The following GPC6 variants were observed in gnomAD, a reference collection of about 807,000 sequenced individuals.
GPC6 encodes glypican-6.
Under a neutral mutation model 55.2 loss-of-function variants are expected in GPC6, and 14 were observed. That is an observed-to-expected ratio of 0.25 (90% CI 0.17 to 0.40). The LOEUF is 0.40. Ranked by LOEUF, GPC6 falls within the 10% of genes least tolerant of loss-of-function variation. The pLI, the probability that GPC6 is intolerant of heterozygous loss-of-function variation, is 1.00. For synonymous variants in GPC6, 278 were observed against 259.6 expected (o/e 1.07, Z -0.68); for missense variants, 641 against 708.5 (o/e 0.90, Z 1.08).
At chr13:94,333,518 A>G (rs1210151830) in intron 6 of GPC6, among the ~76,000 whole-genome samples, 1 of 152,324 alleles carries the variant, frequency 6.6e-6, no homozygotes, top group East Asian at 1.9e-4. Context: ...ACATCAATGC[A>G]TTGTCCTTTA....
At chr13:93,300,192 A>T (rs1006379839) in intron 1 of GPC6, among the ~76,000 whole-genome samples, 3 of 152,222 alleles carry the variant, frequency 2.0e-5, no homozygotes, top group African/African-American at 7.2e-5. Flanking sequence ...AATATGGTGA[A>T]TATAAAGCTG....
intron 6 of GPC6, among the ~76,000 whole-genome samples, chr13:94,349,745 C>T (rs564396107): frequency 1.3e-5 from 2 of 152,266 alleles, no homozygotes; most frequent in African/African-American, 4.8e-5. Flanking sequence ...GCCACCTCAT[C>T]CAAGAAAGCT....
intron 3 of GPC6, among the ~76,000 whole-genome samples, chr13:94,008,900 T>C (rs1050238063): frequency 1.9e-4 from 29 of 152,192 alleles, no homozygotes; most frequent in African/African-American, 6.3e-4. Context: ...TTTATGCTAA[T>C]ATAATACAAA....
intron 3 of GPC6, among the ~76,000 whole-genome samples, chr13:93,931,136 T>G (rs1427347112): frequency 1.3e-5 from 2 of 152,150 alleles, no homozygotes; most frequent in East Asian, 3.9e-4. Context: ...CACTGGGGAT[T>G]ACAATTCAGT....
At chr13:94,012,273 T>C (rs1882277690) in intron 3 of GPC6, among the ~76,000 whole-genome samples, 1 of 152,166 alleles carries the variant, frequency 6.6e-6, no homozygotes, top group Admixed American at 6.5e-5. Context: ...TTCTCCTTCT[T>C]TGAGGCTTTT....
At chr13:94,021,519 C>T (rs1882694455) in intron 3 of GPC6, among the ~76,000 whole-genome samples, 1 of 151,972 alleles carries the variant, frequency 6.6e-6, no homozygotes, top group South Asian at 2.1e-4. Context: ...TTTTGACATA[C>T]ATGGCTAGCC....
intron 4 of GPC6, among the ~76,000 whole-genome samples, chr13:94,236,816 G>A (rs1181509037): frequency 6.6e-6 from 1 of 151,868 alleles, no homozygotes; most frequent in African/African-American, 2.4e-5. Context: ...GGCAGAGAAG[G>A]CAAGAATGGA....
At chr13:93,821,437 G>T (rs1594486952) in intron 2 of GPC6, among the ~76,000 whole-genome samples, 1 of 152,114 alleles carries the variant, frequency 6.6e-6, no homozygotes, top group Non-Finnish European at 1.5e-5. Context: ...TGCTGGGGAC[G>T]TTCAGTACTA....
At chr13:93,796,026 G>GAAAA (rs774532431) in intron 2 of GPC6, among the ~76,000 whole-genome samples, 1 of 133,316 alleles carries the variant, frequency 7.5e-6, no homozygotes, top group African/African-American at 2.8e-5. Flanking sequence ...TCCGAGAAAA[G>GAAAA]AAAAAAAAAA....
At chr13:93,455,952 A>G (rs1039138934) in intron 1 of GPC6, among the ~76,000 whole-genome samples, 3 of 152,176 alleles carry the variant, frequency 2.0e-5, no homozygotes, top group African/African-American at 4.8e-5. Flanking sequence ...AGTTCTCTTT[A>G]TTTACTAGGC....
At chr13:94,225,269 A>C (rs1890510928) in intron 4 of GPC6, among the ~76,000 whole-genome samples, 1 of 152,050 alleles carries the variant, frequency 6.6e-6, no homozygotes, top group Admixed American at 6.6e-5. Flanking sequence ...TCTTCTTAAA[A>C]CCAGTTATGC....
Position 94,194,885 on chromosome 13 carries a change from G to A in GPC6, c.878-91464G>A, listed in dbSNP as rs193132993. On this transcript the variant is annotated intron_variant, in intron 4 of 8. Transcript: ENST00000377047. ...TATGTGTGTGTGTGTTTGTGTGTGT[G>A]TATCTGTAGATGAGTATATTTATAT... 5.5e-3 allele frequency among the ~76,000 whole-genome samples: 844 copies of A among 152,092 alleles called. 5 individuals carry two copies. The highest frequency in any genetic ancestry group is 0.017 in the Middle Eastern group (5 of 294).
chr13:94,194,310 T>C (rs968892982), intron 4 of GPC6, among the ~76,000 whole-genome samples: 14 of 152,172 alleles, frequency 9.2e-5, no homozygotes. Flanking sequence ...ATAATTACAA[T>C]GTGGAGAGTG....
intron 7 of GPC6, among the ~76,000 whole-genome samples, chr13:94,383,439 G>C (rs1489725808): frequency 6.6e-6 from 1 of 152,166 alleles, no homozygotes; most frequent in Non-Finnish European, 1.5e-5. Flanking sequence ...GAAACAAGAA[G>C]GTGTGTGGTT....
At chr13:94,260,814 T>C (rs1166663791) in intron 4 of GPC6, among the ~76,000 whole-genome samples, 1 of 151,992 alleles carries the variant, frequency 6.6e-6, no homozygotes, top group Non-Finnish European at 1.5e-5. Flanking sequence ...GTCGGGAGCA[T>C]GGTGGAGGCT....
chr13:94,171,740 C>A (rs1473298890), intron 4 of GPC6, among the ~76,000 whole-genome samples: 1 of 152,192 alleles, frequency 6.6e-6, no homozygotes, highest in Non-Finnish European at 1.5e-5. Flanking sequence ...GATTTCCTAA[C>A]ACTTTTCATG....
intron 1 of GPC6, among the ~76,000 whole-genome samples, chr13:93,275,450 A>G (rs1326967742): frequency 6.6e-6 from 1 of 152,252 alleles, no homozygotes; most frequent in African/African-American, 2.4e-5. Context: ...GACCTCAAAC[A>G]TAATGTAAGT....
chr13:93,346,250 CT>C (rs766166482), intron 1 of GPC6, among the ~76,000 whole-genome samples: 2 of 152,168 alleles, frequency 1.3e-5, no homozygotes, highest in Non-Finnish European at 2.9e-5. Context: ...TCATGCACTT[CT>C]TTAAGCATCT....
intron 4 of GPC6, among the ~76,000 whole-genome samples, chr13:94,156,081 C>G (rs1303739509): frequency 6.6e-6 from 1 of 152,152 alleles, no homozygotes; most frequent in Non-Finnish European, 1.5e-5. Flanking sequence ...CATCAAAACA[C>G]CTTTGGCTTT....
Sources: allele counts gnomAD v4.1 joint callset (sites outside exome capture counted in the v4.1 genomes callset), GRCh38; gene constraint gnomAD v4.1.1; transcripts MANE v1.5; gene names NCBI Gene and HGNC (gene_info 2026-07-23, HGNC 2026-07-21).